Variants in ZRANB3 observed in about 807,000 individuals in gnomAD.
ZRANB3 encodes zinc finger RANBP2-type containing 3.
In ZRANB3, 125 loss-of-function variants were observed where a neutral mutation model predicts 133.8. The observed-to-expected ratio is 0.93, with a 90% confidence interval of 0.81 to 1.08. ZRANB3 has a LOEUF of 1.08. ZRANB3 is among the 50% of genes least tolerant of loss of function. The pLI is 0.00. For missense variants in ZRANB3, 1,229 were observed against 1,275.5 expected, an observed-to-expected ratio of 0.96 and a Z score of 0.56; for synonymous variants, 387 against 432.7, an observed-to-expected ratio of 0.89 and a Z score of 1.31.
chr2:135,249,307 G>T (rs1316687923), intron 12 of ZRANB3, among the ~76,000 whole-genome samples: 1 of 152,220 alleles, frequency 6.6e-6, no homozygotes, highest in African/African-American at 2.4e-5. Context: ...AATGTTCACT[G>T]TAGCACTATT....
chr2:135,201,111 G>A (rs539888323), intron 20 of ZRANB3, among the ~76,000 whole-genome samples: 5 of 152,232 alleles, frequency 3.3e-5, no homozygotes, highest in Admixed American at 3.3e-4. Flanking sequence ...CAACTCAACA[G>A]ATGAGCTGGT....
chr2:135,479,297 G>A (rs1162466783), intron 2 of ZRANB3, among the ~76,000 whole-genome samples: 1 of 152,092 alleles, frequency 6.6e-6, no homozygotes, highest in Non-Finnish European at 1.5e-5. Context: ...GATAAAGTAG[G>A]TTTATCTACA....
At chr2:135,453,468 G>C (rs1229273996) in intron 2 of ZRANB3, among the ~76,000 whole-genome samples, 1 of 152,122 alleles carries the variant, frequency 6.6e-6, no homozygotes, top group Non-Finnish European at 1.5e-5. Context: ...TTTATGCTCT[G>C]TTTCCCTTTT....
intron 8 of ZRANB3, among the ~76,000 whole-genome samples, chr2:135,281,995 A>G (rs1363399123): frequency 6.6e-6 from 1 of 152,190 alleles, no homozygotes; most frequent in Admixed American, 6.5e-5. Flanking sequence ...AACTTAGTGT[A>G]ATGGTTTCCA....
chr2:135,445,483 G>A (rs932672330), intron 2 of ZRANB3, among the ~76,000 whole-genome samples: 3 of 151,904 alleles, frequency 2.0e-5, no homozygotes, highest in African/African-American at 7.3e-5. Flanking sequence ...GTGCTTTTAT[G>A]GTAATAAGAA....
chr2:135,489,772 AG>A (rs1692294008), intron 2 of ZRANB3, among the ~76,000 whole-genome samples: 2 of 151,956 alleles, frequency 1.3e-5, no homozygotes. Context: ...AACAAAAAAA[AG>A]GGTTTTGGAG....
intron 2 of ZRANB3, among the ~76,000 whole-genome samples, chr2:135,493,976 T>C (rs72986479): frequency 0.044 from 6,707 of 152,128 alleles, 498 homozygotes; most frequent in African/African-American, 0.15. Context: ...AAGATCCACA[T>C]AAACTGCATG....
At chr2:135,490,446 C>T (rs1692321536) in intron 2 of ZRANB3, among the ~76,000 whole-genome samples, 1 of 152,022 alleles carries the variant, frequency 6.6e-6, no homozygotes, top group African/African-American at 2.4e-5. Context: ...ATCAAAACCA[C>T]AATGAGATAT....
At chr2:135,232,081 T>C (rs1465193872) in intron 12 of ZRANB3, among the ~76,000 whole-genome samples, 1 of 152,134 alleles carries the variant, frequency 6.6e-6, no homozygotes, top group African/African-American at 2.4e-5. Context: ...GAAAATCGGG[T>C]CACTCCCACC....
Position 135,224,740 on chromosome 2 carries a change from T to C in ZRANB3, c.2159-223A>G, listed in dbSNP as rs111297975. 3.0e-3 allele frequency among the ~76,000 whole-genome samples: 451 copies of C among 152,288 alleles called. 3 individuals are homozygous for C. The highest frequency in any genetic ancestry group is 0.01 in the African/African-American group (421 of 41,556). The stretch of plus-strand genomic sequence containing the variant: ...AATTGTTTTACATTTTTGCTAATGA[T>C]CTAACAAGAAACAAACAGATTCAGA... On this transcript the variant is annotated intron_variant, in intron 14 of 20. Transcript: ENST00000264159.
intron 2 of ZRANB3, among the ~76,000 whole-genome samples, chr2:135,490,912 C>T (rs906999186): frequency 1.3e-5 from 2 of 151,844 alleles, no homozygotes; most frequent in African/African-American, 4.8e-5. Flanking sequence ...CACATGTTCG[C>T]ACTCATATGT....
chr2:135,226,947 G>A (rs1160361192), intron 14 of ZRANB3, among the ~76,000 whole-genome samples: 1 of 152,202 alleles, frequency 6.6e-6, no homozygotes, highest in Non-Finnish European at 1.5e-5. Flanking sequence ...TTAGAAGGAA[G>A]GCTGAGAGAA....
chr2:135,240,662 T>C (rs934754880), intron 12 of ZRANB3, among the ~76,000 whole-genome samples: 2 of 152,302 alleles, frequency 1.3e-5, no homozygotes, highest in African/African-American at 4.8e-5. Context: ...CATTGGAGTC[T>C]TGACCTCCTG....
chr2:135,471,494 G>C (rs1290313460), intron 2 of ZRANB3, among the ~76,000 whole-genome samples: 1 of 152,180 alleles, frequency 6.6e-6, no homozygotes, highest in Non-Finnish European at 1.5e-5. Context: ...CTGTGTTTCA[G>C]AGTTTTGGGG....
intron 3 of ZRANB3, among the ~76,000 whole-genome samples, chr2:135,372,786 C>CAAAAAAAA (rs536156455): frequency 1.9e-5 from 1 of 53,784 alleles, no homozygotes; most frequent in Non-Finnish European, 3.9e-5. Context: ...GACTCCATCT[C>CAAAAAAAA]AAAAAAAAAA....
intron 2 of ZRANB3, among the ~76,000 whole-genome samples, chr2:135,393,566 G>T (rs1418404659): frequency 6.6e-6 from 1 of 151,962 alleles, no homozygotes; most frequent in Non-Finnish European, 1.5e-5. Flanking sequence ...TGGAGGAGAG[G>T]CAACAATTAA....
chr2:135,255,103 T>G (rs1423904115), intron 12 of ZRANB3, among the ~76,000 whole-genome samples: 1 of 152,018 alleles, frequency 6.6e-6, no homozygotes, highest in Non-Finnish European at 1.5e-5. Context: ...TTAGGCAATG[T>G]TAAATAAAAT....
At chr2:135,520,648 G>A (rs1268898810) in intron 1 of ZRANB3, among the ~76,000 whole-genome samples, 3 of 151,640 alleles carry the variant, frequency 2.0e-5, no homozygotes, top group African/African-American at 4.8e-5. Context: ...GCAGTGGTGT[G>A]CTCTCGGCTC....
intron 1 of ZRANB3, among the ~76,000 whole-genome samples, chr2:135,516,478 T>C (rs1260585643): frequency 6.6e-6 from 1 of 152,226 alleles, no homozygotes; most frequent in East Asian, 1.9e-4. Context: ...AGAAAATCTC[T>C]CAGCATTTGC....
Sources: gnomAD v4.1 joint callset for allele counts (sites outside exome capture counted in the v4.1 genomes callset) on GRCh38, gnomAD v4.1.1 for gene constraint, MANE v1.5 for transcripts, NCBI Gene and HGNC (gene_info 2026-07-23, HGNC 2026-07-21) for gene names.